RBFOX3: variants seen among roughly 807,000 people sequenced by gnomAD.
The protein encoded by RBFOX3 is RNA binding protein fox-1 homolog 3.
RBFOX3 carries 17 observed loss-of-function variants against 48.7 expected under a neutral mutation model. That is an observed-to-expected ratio of 0.35 (90% CI 0.24 to 0.52). The LOEUF (loss-of-function observed/expected upper bound fraction) is 0.52, where lower values mean the gene tolerates loss of function less well. RBFOX3 is among the 20% of genes least tolerant of loss of function. The pLI is 0.94. For synonymous variants in RBFOX3, 212 were observed against 209.5 expected, an observed-to-expected ratio of 1.01 and a Z score of -0.10; for missense variants, 382 against 497.5, an observed-to-expected ratio of 0.77 and a Z score of 2.21.
chr17:79,465,996 G>T (rs1555753499), intron 2 of RBFOX3, among the ~76,000 whole-genome samples: 1 of 152,222 alleles, frequency 6.6e-6, no homozygotes, highest in Non-Finnish European at 1.5e-5. Flanking sequence ...AACCCAGCTG[G>T]ATCTCCCAGC....
chr17:79,251,618 C>T (rs2063970402), intron 3 of RBFOX3, among the ~76,000 whole-genome samples: 2 of 152,224 alleles, frequency 1.3e-5, no homozygotes. Context: ...CAGGCCCCTT[C>T]TCTTCCTAGA....
chr17:79,258,332 C>T (rs1440549568), intron 3 of RBFOX3, among the ~76,000 whole-genome samples: 3 of 152,136 alleles, frequency 2.0e-5, no homozygotes, highest in African/African-American at 7.2e-5. Flanking sequence ...AACGGATTCC[C>T]GCTTAAATCT....
intron 2 of RBFOX3, among the ~76,000 whole-genome samples, chr17:79,385,592 C>T (rs935365022): frequency 7.9e-5 from 12 of 152,176 alleles, no homozygotes; most frequent in Non-Finnish European, 1.8e-4. Flanking sequence ...GACAGAGGTT[C>T]GCTCTCAAAT....
chr17:79,652,717 A>C, the RBFOX3 span, among the ~76,000 whole-genome samples: 43 of 151,258 alleles, frequency 2.8e-4, no homozygotes, highest in African/African-American at 1.0e-3. Flanking sequence ...TTAACTGAAG[A>C]GTTAGGTAAT....
intron 1 of RBFOX3, among the ~76,000 whole-genome samples, chr17:79,577,698 C>G (rs949159194): frequency 3.0e-4 from 46 of 152,210 alleles, no homozygotes; most frequent in African/African-American, 1.0e-3. Flanking sequence ...TGACTTGTTT[C>G]AGAATTGGCT....
the RBFOX3 span, among the ~76,000 whole-genome samples, chr17:79,636,526 A>C: frequency 2.6e-5 from 4 of 152,162 alleles, no homozygotes; most frequent in East Asian, 3.8e-4. Flanking sequence ...TTAAGAACAG[A>C]AGTAAAAGTG....
intron 4 of RBFOX3, among the ~76,000 whole-genome samples, chr17:79,158,107 G>T (rs964110781): frequency 2.0e-5 from 3 of 149,298 alleles, no homozygotes; most frequent in Admixed American, 2.0e-4. Context: ...AAGAAGAGGC[G>T]ATTAGGACAT....
chr17:79,285,554 T>C (rs528034165), intron 3 of RBFOX3, among the ~76,000 whole-genome samples: 30 of 152,234 alleles, frequency 2.0e-4, no homozygotes, highest in Non-Finnish European at 4.1e-4. Flanking sequence ...TGAAATGCAC[T>C]AGAGAAGCTC....
chr17:79,592,153 CAT>C (rs2093438753), intron 1 of RBFOX3, among the ~76,000 whole-genome samples: 1 of 143,794 alleles, frequency 7.0e-6, no homozygotes, highest in Non-Finnish European at 1.5e-5. Flanking sequence ...TGCATGCATG[CAT>C]GTGTGTGTGT....
chr17:79,587,680 G>A (rs956949561), intron 1 of RBFOX3, among the ~76,000 whole-genome samples: 21 of 152,158 alleles, frequency 1.4e-4, no homozygotes, highest in Admixed American at 2.6e-4. Flanking sequence ...CACAAGCTTC[G>A]GACCAAGCGG....
chr17:79,475,873 T>G (rs2149419591), intron 2 of RBFOX3, among the ~76,000 whole-genome samples: 1 of 152,358 alleles, frequency 6.6e-6, no homozygotes, highest in South Asian at 2.1e-4. Flanking sequence ...AGTTTCTCCC[T>G]GAGAAGCAAC....
chr17:79,357,027 G>T (rs184299415), intron 2 of RBFOX3, among the ~76,000 whole-genome samples: 73 of 152,292 alleles, frequency 4.8e-4, no homozygotes, highest in African/African-American at 1.8e-3. Context: ...AGACTCGGCA[G>T]TGACAACTGG....
intron 2 of RBFOX3, among the ~76,000 whole-genome samples, chr17:79,478,441 A>G (rs1417140021): frequency 6.6e-6 from 1 of 151,948 alleles, no homozygotes; most frequent in Admixed American, 6.6e-5. Flanking sequence ...GCCCCATGGC[A>G]TGCGCGGCAG....
chr17:79,280,163 GCA>G (rs1567968243), intron 3 of RBFOX3, among the ~76,000 whole-genome samples: 4 of 99,534 alleles, frequency 4.0e-5, no homozygotes, highest in Admixed American at 3.4e-4. Context: ...ACACACACAC[GCA>G]CACACCACTC....
chr17:79,603,629 A>G (rs2093759754), intron 1 of RBFOX3: 3 of 152,350 alleles, frequency 2.0e-5, no homozygotes, highest in African/African-American at 4.8e-5. Flanking sequence ...AGCGAGCTCT[A>G]TTAAAGCAGC....
At chr17:79,174,582 T>C (rs970642522) in intron 4 of RBFOX3, among the ~76,000 whole-genome samples, 6 of 151,288 alleles carry the variant, frequency 4.0e-5, no homozygotes, top group African/African-American at 1.5e-4. Context: ...ACTCATACAT[T>C]GACACATGCA....
At position 79,506,407 on chromosome 17, in the gene RBFOX3, C is replaced by T. The variant is rs893777875; in HGVS notation, c.-319-23809G>A. Among the ~76,000 whole-genome samples, 10 of 152,324 alleles carry T rather than the reference C, an allele frequency of 6.6e-5. No homozygotes were observed. In the East Asian group the frequency reaches 1.7e-3, roughly 26 times the overall value. On this transcript the variant is annotated intron_variant, in intron 1 of 14. Coordinates refer to ENST00000693108, the MANE Select transcript of RBFOX3 (RefSeq NM_001350451.2). ...CGCATGGGGAAATTCAAGGCGATGC[C>T]GAGCGGCCATCTGTCTGTTGTGGGG...
At chr17:79,305,433 C>T (rs2145497660) in intron 3 of RBFOX3, among the ~76,000 whole-genome samples, 1 of 152,334 alleles carries the variant, frequency 6.6e-6, no homozygotes, top group Non-Finnish European at 1.5e-5. Flanking sequence ...GCACAGCTGT[C>T]CCAGTGGGGC....
At chr17:79,488,528 C>T (rs2080005553) in intron 1 of RBFOX3, among the ~76,000 whole-genome samples, 2 of 152,190 alleles carry the variant, frequency 1.3e-5, no homozygotes, top group South Asian at 4.1e-4. Flanking sequence ...TGGAACATTC[C>T]AGGCCATGGC....
Sources: gnomAD v4.1 joint callset for allele counts (sites outside exome capture counted in the v4.1 genomes callset) on GRCh38, gnomAD v4.1.1 for gene constraint, MANE v1.5 for transcripts, NCBI Gene and HGNC (gene_info 2026-07-23, HGNC 2026-07-21) for gene names.